The following ZDHHC11B variants were observed in gnomAD, a reference collection of about 807,000 sequenced individuals.
ZDHHC11B encodes the protein probable palmitoyltransferase ZDHHC11B.
Under a neutral mutation model 42.3 loss-of-function variants are expected in ZDHHC11B, and 17 were observed. The observed-to-expected ratio is 0.40, with a 90% CI of 0.27 to 0.60. The LOEUF is 0.60. Among genes scored for constraint, ZDHHC11B ranks in the 20% least tolerant of loss-of-function variants. The pLI, the probability that ZDHHC11B is intolerant of heterozygous loss-of-function variation, is 0.41. For synonymous variants in ZDHHC11B, 123 were observed against 193.5 expected, an observed-to-expected ratio of 0.64 and a Z score of 3.02; for missense variants, 262 against 463.2, an observed-to-expected ratio of 0.57 and a Z score of 3.99.
At chr5:759,374 T>C (rs112751561) in intron 4 of ZDHHC11B, among the ~76,000 whole-genome samples, 1 of 151,826 alleles carries the variant, frequency 6.6e-6, no homozygotes, top group African/African-American at 2.4e-5. Context: ...TGCGGTCACG[T>C]CTTGTCGTCT....
chr5:711,722 T>TGTGCTCCCATTTCCCAGCACTC lies in ZDHHC11B; in HGVS notation c.*567_*568insGAGTGCTGGGAAATGGGAGCAC. On this transcript the variant is annotated 3_prime_UTR_variant, in exon 14 of 14. Transcript: ENST00000508859. ...CTCTGTGCTCCCATTTCCCAGTACTTTGTGCTCCCATTTCCCAGCACTGTG... is the reference window on the plus strand; with the variant it reads ...CTCTGTGCTCCCATTTCCCAGTACTTGTGCTCCCATTTCCCAGCACTCTGTGCTCCCATTTCCCAGCACTGTG... The TGTGCTCCCATTTCCCAGCACTC allele has an allele frequency of 2.1e-5, 3 of 145,392 alleles. No homozygotes were observed. Among genetic ancestry groups the TGTGCTCCCATTTCCCAGCACTC allele is most frequent in the Non-Finnish European group, 4.6e-5 (3 of 65,498 alleles). The allele number at this position is 145,392 out of a possible 1,614,324, so 9.0% of individuals were successfully genotyped here.
rs1386518456 is a variant in ZDHHC11B, at chr5:710,846, CCCAG to C, written c.*1440_*1443del. The C allele has an allele frequency of 6.6e-6, 1 of 151,846 alleles. No homozygotes were observed. The highest frequency in any genetic ancestry group is 2.5e-5 in the African/African-American group (1 of 40,186). 9.4% of individuals were successfully genotyped at this position (151,846 alleles called of 1,614,324 possible). A position where few individuals can be genotyped will look rare whatever the true frequency, so the allele number is the denominator to read the frequency against. The stretch of plus-strand genomic sequence containing the variant: ...TTCCCAGTACTGTGAGCTCCCATTT[CCCAG>C]TACTGTGAGCTCCCATTTCCCAGTA... On this transcript the variant is annotated 3_prime_UTR_variant, in exon 14 of 14. Coordinates refer to ENST00000508859, the MANE Select transcript of ZDHHC11B (RefSeq NM_001351303.2).
chr5:714,961 C>G (rs144253010), intron 13 of ZDHHC11B, among the ~76,000 whole-genome samples: 13,544 of 149,950 alleles, frequency 0.09, 618 homozygotes, highest in East Asian at 0.22. Flanking sequence ...GAGCCTCCCC[C>G]AGCCCTTCGC....
chr5:764,038 C>A lies in ZDHHC11B; in HGVS notation c.222+2660G>T, dbSNP rs375249204. 1.8e-4 allele frequency among the ~76,000 whole-genome samples: 28 copies of A among 152,062 alleles called. No homozygotes were observed. In the South Asian group the frequency reaches 5.8e-3, roughly 32 times the overall value. ...TTCAGGAAAGAGAGACATGGCCTTG[C>A]CCATGGCTGAGGCACTCAGGCTGGC... On this transcript the variant is annotated intron_variant, in intron 4 of 13. Coordinates refer to ENST00000508859, the MANE Select transcript of ZDHHC11B (RefSeq NM_001351303.2).
intron 1 of ZDHHC11B, among the ~76,000 whole-genome samples, chr5:774,904 C>T (rs1736347814): frequency 6.6e-6 from 1 of 151,924 alleles, no homozygotes; most frequent in African/African-American, 2.4e-5. Flanking sequence ...GCGGGGGTGG[C>T]GCCGACAGAG....
chr5:754,229 T>C (rs1280285883), intron 6 of ZDHHC11B, among the ~76,000 whole-genome samples: 3 of 112,844 alleles, frequency 2.7e-5, no homozygotes, highest in South Asian at 3.8e-4. Context: ...ACGTCTCATC[T>C]ATGAGCCTCC....
In ZDHHC11B at chr5:711,487, G is replaced by A. The variant is rs1197246421; in HGVS notation, c.*803C>T. On this transcript the variant is annotated 3_prime_UTR_variant, in exon 14 of 14. Coordinates refer to ENST00000508859, the MANE Select transcript of ZDHHC11B (RefSeq NM_001351303.2). ...ATACTCCTATTTCCCAGTGCCATGT[G>A]CTTCCATTTCCCAGTACTGTGCTCA... The A allele has an allele frequency of 6.8e-6, 1 of 147,276 alleles. No individual in the cohort carries two copies. Among genetic ancestry groups the A allele is most frequent in the Non-Finnish European group, 1.5e-5 (1 of 67,900 alleles). The allele number at this position is 147,276 out of a possible 1,614,324, so 9.1% of individuals were successfully genotyped here. A position where few individuals can be genotyped will look rare whatever the true frequency, so the allele number is the denominator to read the frequency against.
intron 9 of ZDHHC11B, among the ~76,000 whole-genome samples, chr5:743,267 G>T (rs565891678): frequency 6.7e-6 from 1 of 149,654 alleles, no homozygotes; most frequent in South Asian, 2.2e-4. Context: ...GTAGCTTTAT[G>T]TCTCTCTCTA....
At chr5:722,540 A>G (rs1385209697) in intron 12 of ZDHHC11B, among the ~76,000 whole-genome samples, 1 of 151,608 alleles carries the variant, frequency 6.6e-6, no homozygotes, top group Non-Finnish European at 1.5e-5. Context: ...TGGAGAGGAC[A>G]TGAAGCAATA....
chr5:776,586 G>A (rs1240793626), intron 1 of ZDHHC11B, among the ~76,000 whole-genome samples: 6 of 151,876 alleles, frequency 4.0e-5, no homozygotes, highest in Admixed American at 3.3e-4. Flanking sequence ...CTCAGCTCGA[G>A]ACCCTCGCTG....
chr5:732,668 C>T (rs1452436351), intron 11 of ZDHHC11B: 7 of 449,876 alleles, frequency 1.6e-5, no homozygotes, highest in East Asian at 7.1e-5. Context: ...GGCGGCCCTG[C>T]CCCCACAGGG....
At chr5:778,509 G>A (rs1406138013) in intron 1 of ZDHHC11B, among the ~76,000 whole-genome samples, 2 of 151,224 alleles carry the variant, frequency 1.3e-5, no homozygotes, top group African/African-American at 2.4e-5. Flanking sequence ...CTCATCCAGC[G>A]CAGCTTCACT....
chr5:780,941 G>A (rs1417510248), intron 1 of ZDHHC11B, among the ~76,000 whole-genome samples: 25 of 149,302 alleles, frequency 1.7e-4, no homozygotes, highest in African/African-American at 5.0e-4. Flanking sequence ...GGTTACCTGC[G>A]AGATGCCATG....
At chr5:765,592 CA>C (rs1159875520) in intron 4 of ZDHHC11B, among the ~76,000 whole-genome samples, 1 of 152,022 alleles carries the variant, frequency 6.6e-6, no homozygotes, top group Non-Finnish European at 1.5e-5. Flanking sequence ...AAGCCAGTAG[CA>C]GCAAACTGCT....
intron 1 of ZDHHC11B, among the ~76,000 whole-genome samples, chr5:778,293 G>T (rs1425344913): frequency 4.8e-4 from 73 of 151,710 alleles, no homozygotes; most frequent in African/African-American, 1.6e-3. Context: ...CCATGTCGGA[G>T]ACTCGGCGGC....
At chr5:722,445 T>C (rs1176617817) in intron 12 of ZDHHC11B, among the ~76,000 whole-genome samples, 2 of 151,560 alleles carry the variant, frequency 1.3e-5, no homozygotes, top group African/African-American at 4.9e-5. Flanking sequence ...TCACATGTGT[T>C]CAGATTCATT....
In ZDHHC11B at chr5:779,143, G is replaced by A. The variant is rs567430044; in HGVS notation, c.-230+5525C>T. Among the ~76,000 whole-genome samples, 4 of 151,592 alleles carry A rather than the reference G, an allele frequency of 2.6e-5. 1 individual carries two copies. Among genetic ancestry groups the A allele is most frequent in the African/African-American group, 9.7e-5 (4 of 41,056 alleles). ...ACACACAGACTAACACAGTCGCCCT[G>A]AGGCTGGGGCTGCAGTGATGCAGCC... On this transcript the variant is annotated intron_variant, in intron 1 of 13. Transcript: ENST00000508859.
chr5:760,064 G>A (rs1212333147), intron 4 of ZDHHC11B, among the ~76,000 whole-genome samples: 3 of 151,892 alleles, frequency 2.0e-5, no homozygotes, highest in African/African-American at 7.3e-5. Context: ...CAGGTGTGGA[G>A]TGGGGGGTAC....
At position 729,576 on chromosome 5, in the gene ZDHHC11B, C is replaced by T. The variant is rs146402517; in HGVS notation, c.1058+858G>A. Among the ~76,000 whole-genome samples the T allele has an allele frequency of 2.8e-4, 43 of 151,122 alleles. 1 individual carries two copies. The highest frequency in any genetic ancestry group is 5.5e-4 in the Non-Finnish European group (37 of 67,746). ...TGTGTGTGTGTGCACATGCCTGTGT[C>T]TGTGCACCTGGGGTGGTTTGAGCCA... On this transcript the variant is annotated intron_variant, in intron 12 of 13. Transcript: ENST00000508859.
Sources: allele counts gnomAD v4.1 joint callset (sites outside exome capture counted in the v4.1 genomes callset), GRCh38; gene constraint gnomAD v4.1.1; transcripts MANE v1.5; gene names NCBI Gene and HGNC (gene_info 2026-07-23, HGNC 2026-07-21).